Variants in AHCY observed in about 807,000 individuals in gnomAD.
The protein encoded by AHCY is adenosylhomocysteinase, also known as S-adenosyl-L-homocysteine hydrolase.
In AHCY, 24 loss-of-function variants were observed where a neutral mutation model predicts 45.4. That is an observed-to-expected ratio of 0.53 (90% confidence interval 0.38 to 0.74). AHCY has a LOEUF of 0.74. AHCY is among the 30% of genes least tolerant of loss of function. AHCY has a pLI of 0.00. For missense variants in AHCY, 449 were observed against 594.1 expected (o/e 0.76, Z 2.54); for synonymous variants, 245 against 235.1 (o/e 1.04, Z -0.39).
Position 34,295,407 on chromosome 20 carries a change from G to A in AHCY, c.207C>T (p.Thr69=), listed in dbSNP as rs761271847. ...CTGTGGGCCTCACCTCAGCACCCAGGGTGACGAGGGTCTCAATGAGGACGG... is the reference window on the plus strand; with the variant it reads ...CTGTGGGCCTCACCTCAGCACCCAGAGTGACGAGGGTCTCAATGAGGACGG... The part of the protein sequence containing the change: ...ETAVLIETLV[T]LGAEVQWSSC... Residue 69 remains threonine (T), a synonymous_variant, in exon 2 of 10, where the codon ACC becomes ACT. Transcript: ENST00000217426. 1.1e-5 allele frequency: 18 copies of A among 1,613,904 alleles called. No homozygotes were observed. Among genetic ancestry groups the A allele is most frequent in the Non-Finnish European group, 1.4e-5 (17 of 1,179,930 alleles).
the AHCY span, among the ~76,000 whole-genome samples, chr20:34,257,026 A>G: frequency 1.3e-5 from 2 of 148,474 alleles, no homozygotes; most frequent in South Asian, 2.2e-4. Context: ...TTAAAGTTGA[A>G]TTTCTTTCTT....
At chr20:34,271,189 G>A in the AHCY span, among the ~76,000 whole-genome samples, 1,320 of 152,128 alleles carry the variant, frequency 8.7e-3, 22 homozygotes, top group African/African-American at 0.03. Context: ...TGAACCACCC[G>A]CCTCAGCCTC....
the AHCY span, chr20:34,269,244 G>T: frequency 7.0e-7 from 1 of 1,421,846 alleles, no homozygotes; most frequent in Non-Finnish European, 9.1e-7. Context: ...TCCCTAACAG[G>T]GCGGCTTCCC....
the AHCY span, chr20:34,234,857 T>C: frequency 2.0e-5 from 3 of 152,198 alleles, no homozygotes; most frequent in Non-Finnish European, 4.4e-5. Context: ...TAAAACAGTA[T>C]GTCATGTTAT....
At chr20:34,258,679 A>ATATATATATATATATATATATATATAC in the AHCY span, among the ~76,000 whole-genome samples, 3 of 69,608 alleles carry the variant, frequency 4.3e-5, no homozygotes, top group Non-Finnish European at 6.8e-5. Flanking sequence ...GATGCCATAT[A>ATATATATATATATATATATATATATAC]TATATATATA....
chr20:34,246,146 C>A, the AHCY span: 1 of 991,254 alleles, frequency 1.0e-6, no homozygotes, highest in South Asian at 1.4e-5. Flanking sequence ...AGTTGCAAGG[C>A]CACACACTCT....
the AHCY span, chr20:34,234,852 C>G: frequency 6.6e-6 from 1 of 152,190 alleles, no homozygotes; most frequent in Non-Finnish European, 1.5e-5. Flanking sequence ...TACTGTAAAA[C>G]AGTATGTCAT....
At chr20:34,254,558 C>A in the AHCY span, among the ~76,000 whole-genome samples, 2 of 152,200 alleles carry the variant, frequency 1.3e-5, no homozygotes, top group African/African-American at 2.4e-5. Flanking sequence ...CATTTGGCAA[C>A]AAAACCCGTC....
At chr20:34,268,911 C>A in the AHCY span, 4 of 1,518,850 alleles carry the variant, frequency 2.6e-6, no homozygotes, top group East Asian at 7.4e-5. Context: ...ATCTCCCTAG[C>A]CCGAGGAGCT....
At chr20:34,262,768 C>CACTT in the AHCY span, 1 of 1,587,262 alleles carries the variant, frequency 6.3e-7, no homozygotes, top group South Asian at 1.1e-5. Context: ...CTGCCCCTCT[C>CACTT]ACTTCACTGC....
At chr20:34,279,802 G>A (rs1241270069), downstream of AHCY, among the ~76,000 whole-genome samples, 1 of 152,144 alleles carries the variant, frequency 6.6e-6, no homozygotes, top group South Asian at 2.1e-4. Flanking sequence ...AGAACTTAAT[G>A]TGAGTCCCCA....
chr20:34,235,797 G>T, the AHCY span, among the ~76,000 whole-genome samples: 4 of 47,886 alleles, frequency 8.4e-5, no homozygotes, highest in African/African-American at 8.2e-4. Context: ...AAGAAAGAAA[G>T]AAAGAAAGAA....
chr20:34,303,101 T>G (rs2036837958), intron 1 of AHCY, 142 bp downstream of exon 1: 2 of 1,479,328 alleles, frequency 1.4e-6, no homozygotes, highest in African/African-American at 1.4e-5. Flanking sequence ...AACTTCCAGC[T>G]GGCTTCGCGC....
intron 9 of AHCY, among the ~76,000 whole-genome samples, chr20:34,284,527 A>T (rs2036106614): frequency 6.6e-6 from 1 of 152,106 alleles, no homozygotes; most frequent in Non-Finnish European, 1.5e-5. Flanking sequence ...GCTTATACAC[A>T]TGTCCAAGTT....
the AHCY span, chr20:34,246,258 G>A: frequency 6.5e-7 from 1 of 1,548,440 alleles, no homozygotes; most frequent in Admixed American, 2.0e-5. Flanking sequence ...CCTCTCTTCT[G>A]TTTTTTCTTC....
At chr20:34,242,026 C>T in the AHCY span, among the ~76,000 whole-genome samples, 3 of 152,220 alleles carry the variant, frequency 2.0e-5, no homozygotes, top group Admixed American at 6.5e-5. Flanking sequence ...CATATTCACA[C>T]ATTTTAATGC....
chr20:34,282,393 C>T (rs1174031627), intron 9 of AHCY, among the ~76,000 whole-genome samples: 1 of 152,220 alleles, frequency 6.6e-6, no homozygotes, highest in African/African-American at 2.4e-5. Context: ...TGACCGCAAC[C>T]TCATGAAAGA....
At chr20:34,294,851 A>G (rs777882597) in intron 2 of AHCY, among the ~76,000 whole-genome samples, 2 of 152,198 alleles carry the variant, frequency 1.3e-5, no homozygotes, top group Non-Finnish European at 2.9e-5. Context: ...TCAGACCGCC[A>G]AGAGTGAATG....
At chr20:34,278,114 A>C (rs2035924552), downstream of AHCY, among the ~76,000 whole-genome samples, 1 of 149,616 alleles carries the variant, frequency 6.7e-6, no homozygotes, top group Non-Finnish European at 1.5e-5. Context: ...CAGGAGACAC[A>C]TCATCTTTCA....
Sources: gnomAD v4.1 joint callset for allele counts (sites outside exome capture counted in the v4.1 genomes callset) on GRCh38, gnomAD v4.1.1 for gene constraint, MANE v1.5 for transcripts, NCBI Gene and HGNC (gene_info 2026-07-23, HGNC 2026-07-21) for gene names.